The following CNTN5 variants were observed in gnomAD, a reference collection of about 807,000 sequenced individuals.
CNTN5 encodes contactin 5.
CNTN5 carries 77 observed loss-of-function variants against 129.1 expected under a neutral mutation model. The ratio of observed to expected loss-of-function variants is 0.60; its 90% CI spans 0.50 to 0.72. CNTN5 has a LOEUF of 0.72. CNTN5 is among the 30% of genes least tolerant of loss of function. CNTN5 has a pLI of 0.00. For synonymous variants in CNTN5, 509 were observed against 465.6 expected, an observed-to-expected ratio of 1.09 and a Z score of -1.20; for missense variants, 1,478 against 1,328.8, an observed-to-expected ratio of 1.11 and a Z score of -1.75.
chr11:99,524,566 C>T (rs1252352607), intron 2 of CNTN5, among the ~76,000 whole-genome samples: 1 of 151,988 alleles, frequency 6.6e-6, no homozygotes, highest in Non-Finnish European at 1.5e-5. Context: ...AATCCTAGCA[C>T]TTTGGGAGGC....
chr11:99,430,053 G>GA (rs1463824914), intron 2 of CNTN5, among the ~76,000 whole-genome samples: 3 of 152,076 alleles, frequency 2.0e-5, no homozygotes, highest in Non-Finnish European at 4.4e-5. Flanking sequence ...AATGACTCTT[G>GA]AAACTCCACA....
rs191351618 is a variant in CNTN5 at position 99,863,062 on chromosome 11, C to T, written c.577+17800C>T. 4.3e-3 allele frequency among the ~76,000 whole-genome samples: 648 copies of T among 152,182 alleles called. 2 individuals carry two copies. The highest frequency in any genetic ancestry group is 9.3e-3 in the South Asian group (45 of 4,824). On this transcript the variant is annotated intron_variant, in intron 6 of 24. Transcript: ENST00000524871. ...AATCATAATAAACTTTAGAAATTAA[C>T]ATTAGCTCAAGCAAAAACTGAGGAT...
At chr11:100,062,524 G>A (rs1943525718) in intron 10 of CNTN5, among the ~76,000 whole-genome samples, 1 of 152,206 alleles carries the variant, frequency 6.6e-6, no homozygotes, top group African/African-American at 2.4e-5. Flanking sequence ...GAGCCTTGAA[G>A]TAACTCATGA....
At chr11:99,690,231 A>G (rs182709692) in intron 3 of CNTN5, among the ~76,000 whole-genome samples, 2 of 152,166 alleles carry the variant, frequency 1.3e-5, no homozygotes, top group African/African-American at 4.8e-5. Context: ...CAAAGATCAG[A>G]TGGTTATTGG....
intron 13 of CNTN5, among the ~76,000 whole-genome samples, chr11:100,147,267 C>T (rs1475369840): frequency 4.6e-5 from 7 of 152,114 alleles, no homozygotes; most frequent in Non-Finnish European, 7.4e-5. Context: ...TTGAATTTCA[C>T]GCATTCATAG....
chr11:99,429,829 A>G (rs1361501727), intron 2 of CNTN5, among the ~76,000 whole-genome samples: 1 of 152,108 alleles, frequency 6.6e-6, no homozygotes, highest in African/African-American at 2.4e-5. Flanking sequence ...TTTTAAACAC[A>G]CTGAGAGTAG....
At chr11:99,442,828 G>A (rs1452694693) in intron 2 of CNTN5, among the ~76,000 whole-genome samples, 1 of 152,290 alleles carries the variant, frequency 6.6e-6, no homozygotes, top group East Asian at 1.9e-4. Flanking sequence ...TGTGAACGAA[G>A]TGATACAAAA....
chr11:99,845,963 C>G (rs957668898), intron 6 of CNTN5, among the ~76,000 whole-genome samples: 1 of 152,116 alleles, frequency 6.6e-6, no homozygotes, highest in Middle Eastern at 3.4e-3. Context: ...TCACCATTTG[C>G]TATGGATTTC....
intron 1 of CNTN5, among the ~76,000 whole-genome samples, chr11:99,050,506 G>A (rs1864383932): frequency 6.6e-6 from 1 of 151,456 alleles, no homozygotes; most frequent in African/African-American, 2.4e-5. Context: ...AAAAAACCTG[G>A]AGAACAAAAA....
chr11:100,260,393 T>G (rs1950170505), intron 17 of CNTN5, among the ~76,000 whole-genome samples: 1 of 152,206 alleles, frequency 6.6e-6, no homozygotes, highest in Non-Finnish European at 1.5e-5. Flanking sequence ...CCATTCCTTC[T>G]GAAACTATTC....
At chr11:100,337,128 C>T in intron 21 of CNTN5, 1 of 1,414,664 alleles carries the variant, frequency 7.1e-7, no homozygotes, top group Non-Finnish European at 1.0e-6. Context: ...ACATTGTTTA[C>T]AAAATAGATG....
chr11:99,824,634 C>A (rs1946897547), intron 4 of CNTN5, among the ~76,000 whole-genome samples: 1 of 151,750 alleles, frequency 6.6e-6, no homozygotes, highest in African/African-American at 2.4e-5. Flanking sequence ...GTAGTCTGTG[C>A]TTTTCATGTC....
intron 9 of CNTN5, among the ~76,000 whole-genome samples, chr11:100,041,564 A>C (rs982541274): frequency 1.6e-4 from 25 of 152,136 alleles, no homozygotes; most frequent in Non-Finnish European, 3.1e-4. Flanking sequence ...GGTCCTCCCC[A>C]TTTTGCTGGA....
chr11:99,663,535 T>C (rs1276673339), intron 3 of CNTN5, among the ~76,000 whole-genome samples: 1 of 152,148 alleles, frequency 6.6e-6, no homozygotes, highest in Non-Finnish European at 1.5e-5. Flanking sequence ...GGTATATGGT[T>C]GATATGGTTT....
chr11:99,175,057 ACT>A (rs1423666007), intron 1 of CNTN5, among the ~76,000 whole-genome samples: 1 of 151,808 alleles, frequency 6.6e-6, no homozygotes, highest in Non-Finnish European at 1.5e-5. Context: ...ACAAAGTAAG[ACT>A]CTAGTCTCTG....
intron 1 of CNTN5, among the ~76,000 whole-genome samples, chr11:99,301,155 T>C (rs903010178): frequency 6.6e-6 from 1 of 151,540 alleles, no homozygotes; most frequent in African/African-American, 2.4e-5. Flanking sequence ...AAGTATATAT[T>C]TGACACAAAA....
chr11:100,186,696 C>G (rs1228770326), intron 13 of CNTN5, among the ~76,000 whole-genome samples: 1 of 152,268 alleles, frequency 6.6e-6, no homozygotes, highest in East Asian at 1.9e-4. Context: ...AAAACCTTCA[C>G]CTCACTGCTC....
intron 13 of CNTN5, among the ~76,000 whole-genome samples, chr11:100,103,192 G>A (rs932637342): frequency 6.6e-6 from 1 of 152,160 alleles, no homozygotes; most frequent in Non-Finnish European, 1.5e-5. Flanking sequence ...AAATTAGTAA[G>A]CAAAGAGCAA....
rs538040870 is a variant in CNTN5, at chr11:99,454,971, G to T, written c.-70-101174G>T. The stretch of plus-strand genomic sequence containing the variant: ...CAACACAAAGCCATTGGTTTGTTTG[G>T]TTGGTTGGTTTTGGAAAGAAAATGC... On this transcript the variant is annotated intron_variant, in intron 2 of 24. Coordinates refer to ENST00000524871, the MANE Select transcript of CNTN5 (RefSeq NM_014361.4). Among the ~76,000 whole-genome samples the T allele has an allele frequency of 5.9e-5, 9 of 152,220 alleles. No homozygotes were observed. In the South Asian group the frequency reaches 8.3e-4, roughly 14 times the overall value.
Sources: allele counts gnomAD v4.1 joint callset (sites outside exome capture counted in the v4.1 genomes callset), GRCh38; gene constraint gnomAD v4.1.1; transcripts MANE v1.5; gene names NCBI Gene and HGNC (gene_info 2026-07-23, HGNC 2026-07-21).